Variants in DCLK3 observed in about 807,000 individuals in gnomAD.
DCLK3 encodes the protein doublecortin like kinase 3.
A neutral mutation model predicts 46.4 loss-of-function variants in DCLK3; 30 were observed. The observed-to-expected ratio is 0.65, with a 90% CI of 0.48 to 0.88. DCLK3 has a LOEUF of 0.88. Among genes scored for constraint, DCLK3 ranks in the 40% least tolerant of loss-of-function variants. The pLI is 0.00. For synonymous variants in DCLK3, 401 were observed against 339.2 expected, an observed-to-expected ratio of 1.18 and a Z score of -2.00; for missense variants, 846 against 907.1, an observed-to-expected ratio of 0.93 and a Z score of 0.87.
At chr3:36,726,575 A>G (rs796446485) in intron 2 of DCLK3, among the ~76,000 whole-genome samples, 3 of 152,240 alleles carry the variant, frequency 2.0e-5, no homozygotes, top group African/African-American at 7.2e-5. Flanking sequence ...CTAGAATGGC[A>G]GGGTGGAGCG....
In DCLK3 at chr3:36,738,469, C is replaced by A; in HGVS notation, c.698G>T (p.Ser233Ile). The change falls in exon 2 of 5, where the codon AGC becomes ATC. Residue 233 changes from serine to isoleucine, a missense_variant. Physicochemically the swap from Ser to Ile is moderately radical, Grantham distance 142 (BLOSUM62 -2). This residue lies in a region of DCLK3 where 553 missense variants were observed against 543.0 expected (regional missense o/e 1.02). Coordinates refer to ENST00000636136, the MANE Select transcript of DCLK3 (RefSeq NM_001394672.2). ...CGETETPKSC[S>I]EVAGCKAAMR... is the part of the protein sequence containing the mutation. ...GGCTGCCTTGCATCCTGCAACTTCG[C>A]TGCAGCTCTTGGGGGTCTCGGTCTC... The A allele has an allele frequency of 6.7e-7, 1 of 1,481,556 alleles. No individual in the cohort carries two copies. Among genetic ancestry groups the A allele is most frequent in the East Asian group, 2.5e-5 (1 of 40,354 alleles). 91.8% of individuals were successfully genotyped at this position (1,481,556 alleles called of 1,614,324 possible).
intron 2 of DCLK3, among the ~76,000 whole-genome samples, chr3:36,729,248 TG>T (rs71085143): frequency 0.017 from 1,545 of 92,686 alleles, 48 homozygotes; most frequent in African/African-American, 0.046. Context: ...TGTGTGTGTG[TG>T]GGGGGGGGGG....
At chr3:36,752,543 T>C (rs1701451103) in intron 1 of DCLK3, among the ~76,000 whole-genome samples, 1 of 152,188 alleles carries the variant, frequency 6.6e-6, no homozygotes, top group Admixed American at 6.5e-5. Flanking sequence ...AGACATTCCT[T>C]CTCTCCTGTT....
chr3:36,762,900 C>T (rs187205571), intron 1 of DCLK3, among the ~76,000 whole-genome samples: 133 of 152,018 alleles, frequency 8.7e-4, no homozygotes, highest in African/African-American at 2.8e-3. Context: ...AATTGAAATG[C>T]TTTTCTAAAG....
intron 2 of DCLK3, among the ~76,000 whole-genome samples, chr3:36,725,022 A>G (rs948302106): frequency 6.6e-6 from 1 of 151,760 alleles, no homozygotes; most frequent in Non-Finnish European, 1.5e-5. Flanking sequence ...TGTTAAAAAA[A>G]AAAAAAAATG....
intron 2 of DCLK3, among the ~76,000 whole-genome samples, chr3:36,736,924 C>T (rs1365013400): frequency 2.0e-5 from 3 of 152,168 alleles, no homozygotes; most frequent in East Asian, 1.9e-4. Context: ...ATTAAGTCCA[C>T]GTAGTCACTA....
At chr3:36,761,458 CTT>C (rs1160844184) in intron 1 of DCLK3, among the ~76,000 whole-genome samples, 2 of 152,312 alleles carry the variant, frequency 1.3e-5, no homozygotes, top group African/African-American at 4.8e-5. Context: ...TCTTCCCACT[CTT>C]TCACTTTCCC....
At chr3:36,760,335 T>A (rs1347273586) in intron 1 of DCLK3, among the ~76,000 whole-genome samples, 1 of 152,090 alleles carries the variant, frequency 6.6e-6, no homozygotes, top group Non-Finnish European at 1.5e-5. Context: ...TTCCATGGTG[T>A]ATATGTGCCA....
intron 1 of DCLK3, among the ~76,000 whole-genome samples, chr3:36,749,052 A>G (rs750047243): frequency 6.6e-6 from 1 of 152,096 alleles, no homozygotes; most frequent in Non-Finnish European, 1.5e-5. Flanking sequence ...CAACTCACCC[A>G]TGATCACATC....
intron 2 of DCLK3, among the ~76,000 whole-genome samples, chr3:36,734,242 A>C (rs1701232191): frequency 6.6e-6 from 1 of 152,206 alleles, no homozygotes; most frequent in Admixed American, 6.5e-5. Flanking sequence ...TGTCAATCCA[A>C]CATTATCTCT....
At chr3:36,729,158 T>C (rs1701160792) in intron 2 of DCLK3, among the ~76,000 whole-genome samples, 1 of 148,220 alleles carries the variant, frequency 6.7e-6, no homozygotes, top group Admixed American at 6.9e-5. Flanking sequence ...TGGGTGGTCA[T>C]CAAGACAGCC....
rs1271422880 is a variant in DCLK3 at position 36,737,474 on chromosome 3, C to T, written c.1693G>A (p.Glu565Lys). ...AAGATCTCACTGTCCACCATGTCCTCCTTGCCCTTGAGTCTGGACTTGTCA... is the reference window on the plus strand; with the variant it reads ...AAGATCTCACTGTCCACCATGTCCTTCTTGCCCTTGAGTCTGGACTTGTCA... ...IIDKSRLKGK[E>K]DMVDSEILII... Residue 565 changes from glutamate (E) to lysine (K), a missense_variant, in exon 2 of 5, where the codon GAG (glutamate) becomes AAG (lysine). Transcript: ENST00000636136. The surrounding 1 kb of genome is among the most constrained non-coding windows in gnomAD (Gnocchi z 4.4). The T allele has an allele frequency of 6.2e-7, 1 of 1,614,190 alleles. No homozygotes were observed. The highest frequency in any genetic ancestry group is 1.7e-5 in the Admixed American group (1 of 60,026).
At position 36,738,437 on chromosome 3, in the gene DCLK3, G is replaced by T. The variant is rs1427671576; in HGVS notation, c.730C>A (p.His244Asn). 6.8e-7 allele frequency: 1 copy of T among 1,475,784 alleles called. No homozygotes were observed. The allele number at this position is 1,475,784 out of a possible 1,614,324, so 91.4% of individuals were successfully genotyped here. A position where few individuals can be genotyped will look rare whatever the true frequency, so the allele number is the denominator to read the frequency against. ...AGCTCCTCGGGGATCTTCCCCTGGT[G>T]CCTCATGGCTGCCTTGCATCCTGCA... Reference protein sequence around the residue: ...EVAGCKAAMRHQGKIPEELSL... With the variant: ...EVAGCKAAMRNQGKIPEELSL... Residue 244 changes from histidine to asparagine, a missense_variant, in exon 2 of 5, where the codon CAC becomes AAC. This residue lies in a region of DCLK3 where 553 missense variants were observed against 543.0 expected (regional missense o/e 1.02). Transcript: ENST00000636136.
intron 1 of DCLK3, among the ~76,000 whole-genome samples, chr3:36,747,092 A>G (rs1701399965): frequency 6.6e-6 from 1 of 152,250 alleles, no homozygotes; most frequent in African/African-American, 2.4e-5. Context: ...GCAGTGAAAC[A>G]CAAAGTCCAG....
At position 36,752,497 on chromosome 3, in the gene DCLK3, G is replaced by A. The variant is rs141716603; in HGVS notation, c.82+11685C>T. ...ATATTTTACAGTAAGAATGAGCACT[G>A]ATGGTTTTGTGGAATTTTTAGAATT... is the stretch of plus-strand genomic sequence containing the variant. On this transcript the variant is annotated intron_variant, in intron 1 of 4. Transcript: ENST00000636136. Among the ~76,000 whole-genome samples the A allele has an allele frequency of 3.9e-3, 593 of 152,312 alleles. 4 individuals are homozygous for A. The highest frequency in any genetic ancestry group is 0.014 in the African/African-American group (576 of 41,560).
At chr3:36,736,055 G>A (rs73824467) in intron 2 of DCLK3, among the ~76,000 whole-genome samples, 1,877 of 152,310 alleles carry the variant, frequency 0.012, 28 homozygotes, top group African/African-American at 0.035. Context: ...TCCTGACAAA[G>A]ACCTCCTGGC....
intron 2 of DCLK3, among the ~76,000 whole-genome samples, chr3:36,729,300 C>T (rs554569875): frequency 1.4e-4 from 21 of 152,012 alleles, no homozygotes; most frequent in Admixed American, 6.5e-4. Flanking sequence ...TTTGCCCTCA[C>T]CCCACATCTC....
At position 36,714,162 on chromosome 3, in the gene DCLK3, A is replaced by G. The variant is rs549245575; in HGVS notation, c.*1166T>C. ...CCAGAGCCTCCTTTGTGCTTCTTCC[A>G]TTTTCCAAAACCTGATTAAGCAATT... On this transcript the variant is annotated 3_prime_UTR_variant, in exon 5 of 5. Coordinates refer to ENST00000636136, the MANE Select transcript of DCLK3 (RefSeq NM_001394672.2). 6.6e-6 allele frequency: 1 copy of G among 152,258 alleles called. No individual in the cohort carries two copies. Among genetic ancestry groups the G allele is most frequent in the East Asian group, 1.9e-4 (1 of 5,182 alleles). The allele number at this position is 152,258 out of a possible 1,614,324, so 9.4% of individuals were successfully genotyped here. A position where few individuals can be genotyped will look rare whatever the true frequency, so the allele number is the denominator to read the frequency against.
chr3:36,721,449 G>A (rs1033292623), intron 3 of DCLK3, 78 bp downstream of exon 3: 12 of 1,545,408 alleles, frequency 7.8e-6, no homozygotes, highest in Admixed American at 1.9e-5. Context: ...ATTCCATATT[G>A]AAAACTAGTA....
Sources: gnomAD v4.1 joint callset for allele counts (sites outside exome capture counted in the v4.1 genomes callset) on GRCh38, gnomAD v4.1.1 for gene constraint, gnomAD v4.1.1 regional missense constraint, Gnocchi (gnomAD v3.1) non-coding constraint, MANE v1.5 for transcripts, NCBI Gene and HGNC (gene_info 2026-07-23, HGNC 2026-07-21) for gene names.